The following ADCY2 variants were observed in gnomAD, a reference collection of about 807,000 sequenced individuals.
ADCY2 encodes adenylate cyclase 2, also known as adenylate cyclase type 2.
Under a neutral mutation model 125.2 loss-of-function variants are expected in ADCY2, and 31 were observed. That is an observed-to-expected ratio of 0.25 (90% CI 0.19 to 0.33). The LOEUF (loss-of-function observed/expected upper bound fraction) is 0.33. Ranked by LOEUF, ADCY2 falls within the 10% of genes least tolerant of loss-of-function variation. The pLI, the probability that ADCY2 is intolerant of heterozygous loss-of-function variation, is 1.00. For missense variants in ADCY2, 904 were observed against 1,418.2 expected (o/e 0.64, Z 5.82); for synonymous variants, 512 against 548.4 (o/e 0.93, Z 0.93).
At chr5:7,427,286 C>T (rs1329463882) in intron 2 of ADCY2, among the ~76,000 whole-genome samples, 1 of 152,206 alleles carries the variant, frequency 6.6e-6, no homozygotes, top group Non-Finnish European at 1.5e-5. Flanking sequence ...AGTTCATTCT[C>T]ATGCTGCTGT....
intron 2 of ADCY2, among the ~76,000 whole-genome samples, chr5:7,451,600 G>C (rs1185466387): frequency 6.6e-6 from 1 of 152,208 alleles, no homozygotes; most frequent in Non-Finnish European, 1.5e-5. Context: ...TGATAAGGCA[G>C]TGACAGGATT....
intron 3 of ADCY2, among the ~76,000 whole-genome samples, chr5:7,554,277 T>G (rs1047950118): frequency 6.6e-6 from 1 of 152,240 alleles, no homozygotes; most frequent in African/African-American, 2.4e-5. Flanking sequence ...TGTCTTGATT[T>G]TTCAATAGAG....
At chr5:7,512,553 A>G (rs1317142919) in intron 2 of ADCY2, among the ~76,000 whole-genome samples, 2 of 152,172 alleles carry the variant, frequency 1.3e-5, no homozygotes, top group Non-Finnish European at 2.9e-5. Context: ...AGAGAGTACA[A>G]GAAGGACAGA....
rs1282315803 is a variant in ADCY2, at chr5:7,695,802, C to G, written c.920C>G (p.Ser307Cys). The G allele has an allele frequency of 1.9e-6, 3 of 1,612,914 alleles. No homozygotes were observed. ...TTTACCCGGCTGGCAAGTGACTGCT[C>G]CCCGGGAGAACTAGTCCACATGCTG... ...VGFTRLASDC[S>C]PGELVHMLNE... is the part of the protein sequence containing the mutation. Residue 307 changes from serine to cysteine, a missense_variant, in exon 6 of 25, where the codon TCC becomes TGC. Around this residue, in one of 7 missense-constraint regions of ADCY2, gnomAD observed 117 missense variants for 248.0 expected, o/e 0.47. Coordinates refer to ENST00000338316, the MANE Select transcript of ADCY2 (RefSeq NM_020546.3).
intron 4 of ADCY2, among the ~76,000 whole-genome samples, chr5:7,688,060 TAGC>T (rs1740577818): frequency 7.1e-6 from 1 of 141,484 alleles, no homozygotes; most frequent in South Asian, 2.3e-4. Context: ...TCCAAATAGA[TAGC>T]CTAGATCCAG....
chr5:7,603,414 C>T (rs924354342), intron 3 of ADCY2, among the ~76,000 whole-genome samples: 4 of 152,194 alleles, frequency 2.6e-5, no homozygotes, highest in Non-Finnish European at 4.4e-5. Flanking sequence ...CTGGCATCTC[C>T]TCGAATGCCA....
intron 19 of ADCY2, 101 bp from the exon 20 acceptor site, chr5:7,789,541 T>C (rs1354430255): frequency 2.4e-6 from 3 of 1,246,960 alleles, no homozygotes; most frequent in South Asian, 2.8e-5. Flanking sequence ...GGGTTCTTTT[T>C]TCGGTTTCAT....
At chr5:7,547,542 A>G (rs1735186489) in intron 3 of ADCY2, among the ~76,000 whole-genome samples, 1 of 152,150 alleles carries the variant, frequency 6.6e-6, no homozygotes, top group Admixed American at 6.5e-5. Flanking sequence ...TCAGATGCAG[A>G]AAGGTGGGCT....
chr5:7,519,208 C>T (rs1297979498), intron 2 of ADCY2, among the ~76,000 whole-genome samples: 1 of 152,176 alleles, frequency 6.6e-6, no homozygotes, highest in African/African-American at 2.4e-5. Flanking sequence ...GGTTGTAATA[C>T]GTGGTGCAGA....
chr5:7,609,127 T>G (rs774264893), intron 3 of ADCY2, among the ~76,000 whole-genome samples: 2 of 152,226 alleles, frequency 1.3e-5, no homozygotes, highest in Non-Finnish European at 2.9e-5. Flanking sequence ...TTAACTCTGA[T>G]AAGATAAGTT....
At chr5:7,545,741 C>CA (rs1554018516) in intron 3 of ADCY2, among the ~76,000 whole-genome samples, 2 of 152,214 alleles carry the variant, frequency 1.3e-5, no homozygotes, top group Admixed American at 6.5e-5. Flanking sequence ...AGCATGCGGT[C>CA]GGTGGGTTAC....
intron 2 of ADCY2, among the ~76,000 whole-genome samples, chr5:7,423,661 G>A (rs556389149): frequency 1.7e-4 from 26 of 152,100 alleles, no homozygotes; most frequent in Non-Finnish European, 2.9e-4. Flanking sequence ...ACCCAGTCTC[G>A]GGTATGTCTT....
chr5:7,651,547 C>T (rs1225986057), intron 4 of ADCY2, among the ~76,000 whole-genome samples: 1 of 152,164 alleles, frequency 6.6e-6, no homozygotes, highest in Non-Finnish European at 1.5e-5. Flanking sequence ...CCAGTCTAGT[C>T]TTTCCATGCT....
chr5:7,454,806 CAT>C (rs377420448), intron 2 of ADCY2, among the ~76,000 whole-genome samples: 59 of 152,214 alleles, frequency 3.9e-4, no homozygotes, highest in South Asian at 2.3e-3. Context: ...GCCTTTTTCA[CAT>C]GTGTTTAAAA....
chr5:7,684,372 C>T (rs1740442545), intron 4 of ADCY2, among the ~76,000 whole-genome samples: 1 of 152,090 alleles, frequency 6.6e-6, no homozygotes, highest in South Asian at 2.1e-4. Context: ...AGACTCTTAT[C>T]CAAGGATTGA....
At chr5:7,824,808 G>T (rs1440844000) in intron 24 of ADCY2, among the ~76,000 whole-genome samples, 1 of 152,180 alleles carries the variant, frequency 6.6e-6, no homozygotes, top group Non-Finnish European at 1.5e-5. Context: ...CCTGGTTCTG[G>T]GCGTCCCTGG....
intron 1 of ADCY2, among the ~76,000 whole-genome samples, chr5:7,410,910 C>T (rs1338685448): frequency 1.3e-5 from 2 of 152,076 alleles, no homozygotes; most frequent in African/African-American, 2.4e-5. Context: ...TTGCTGGCTT[C>T]CTTCCTTTCT....
Position 7,416,643 on chromosome 5 carries a change from C to T in ADCY2, c.408+1873C>T, listed in dbSNP as rs773905165. Among the ~76,000 whole-genome samples, 14 of 152,174 alleles carry T rather than the reference C, an allele frequency of 9.2e-5. No individual in the cohort carries two copies. The East Asian group carries it at 9.6e-4, about 10-fold the overall frequency. ...ACAGAACTCATAAGAGAGCCCACCA[C>T]GACTGCAGGATCAATATAAAAACAA... On this transcript the variant is annotated intron_variant, in intron 2 of 24. Transcript: ENST00000338316.
chr5:7,457,173 T>C (rs745786297), intron 2 of ADCY2, among the ~76,000 whole-genome samples: 7 of 152,214 alleles, frequency 4.6e-5, no homozygotes, highest in Non-Finnish European at 1.0e-4. Context: ...TTTACTATAC[T>C]CATCTGCATT....
Sources: allele counts gnomAD v4.1 joint callset (sites outside exome capture counted in the v4.1 genomes callset), GRCh38; gene constraint gnomAD v4.1.1; regional missense constraint gnomAD v4.1.1; transcripts MANE v1.5; gene names NCBI Gene and HGNC (gene_info 2026-07-23, HGNC 2026-07-21).